TRAPPC8: variants seen among roughly 807,000 people sequenced by gnomAD.
TRAPPC8 encodes trafficking protein particle complex subunit 8, also known as general sporulation gene 1 homolog.
TRAPPC8 carries 54 observed loss-of-function variants against 174.3 expected under a neutral mutation model. The observed-to-expected ratio is 0.31, with a 90% confidence interval of 0.25 to 0.39. The LOEUF is 0.39. Among genes scored for constraint, TRAPPC8 ranks in the 10% least tolerant of loss-of-function variants. The pLI, the probability that TRAPPC8 is intolerant of heterozygous loss-of-function variation, is 1.00. For missense variants in TRAPPC8, 1,531 were observed against 1,699.1 expected (o/e 0.90, Z 1.74); for synonymous variants, 630 against 579.9 (o/e 1.09, Z -1.24).
intron 5 of TRAPPC8, 103 bp from the exon 6 acceptor site, chr18:31,909,863 T>C: frequency 1.4e-6 from 1 of 739,502 alleles, no homozygotes; most frequent in South Asian, 2.5e-5. Flanking sequence ...ACTGTTGGCC[T>C]CATTTATTTG....
rs1346620339 is a variant in TRAPPC8 at position 31,870,383 on chromosome 18, C to A, written c.2377G>T (p.Val793Phe). 6.2e-7 allele frequency: 1 copy of A among 1,607,354 alleles called. No individual in the cohort carries two copies. Among genetic ancestry groups the A allele is most frequent in the Admixed American group, 1.7e-5 (1 of 58,740 alleles). Residue 793 changes from valine to phenylalanine, a missense_variant, in exon 16 of 29, where the codon GTT becomes TTT. By Grantham distance (50) the Val-to-Phe change is conservative. Transcript: ENST00000283351. Reference sequence around the variant, plus strand: ...TTTTAATAACTTACTAGTTGTTTAACTTCTTCATTATCCTTTCCACTGAAA... The same window carrying A: ...TTTTAATAACTTACTAGTTGTTTAAATTCTTCATTATCCTTTCCACTGAAA... Reference protein sequence around the residue: ...KDFSGKDNEEVKQLVTSEPEM... With the variant: ...KDFSGKDNEEFKQLVTSEPEM...
rs753568265 is a variant in TRAPPC8 at position 31,890,846 on chromosome 18, T to C, written c.1617A>G (p.Ala539=). 15 of 1,610,512 alleles carry C rather than the reference T, an allele frequency of 9.3e-6. No individual in the cohort carries two copies. Among genetic ancestry groups the C allele is most frequent in the Non-Finnish European group, 8.5e-7 (1 of 1,178,270 alleles). ...LTSEDSDLRS[A]LLLEQAAHCF... ...AATGTGCTGCCTGTTCCAAAAGAAG[T>C]GCACTTCGAAGATCAGAATCCTAGT... Residue 539 remains alanine (A), a synonymous_variant, in exon 12 of 29, where the codon GCA becomes GCG. Coordinates refer to ENST00000283351, the MANE Select transcript of TRAPPC8 (RefSeq NM_014939.5).
rs1177849338 is a variant in TRAPPC8, at chr18:31,857,564, C to T, written c.3164G>A (p.Ser1055Asn). The change falls in exon 20 of 29, where the codon AGT becomes AAT. Residue 1055 changes from serine to asparagine, a missense_variant. Coordinates refer to ENST00000283351, the MANE Select transcript of TRAPPC8 (RefSeq NM_014939.5). Reference protein sequence around the residue: ...HEINFLFYYESVKKQPKIRHR... With the variant: ...HEINFLFYYENVKKQPKIRHR... ...CCGTATTTTTGGCTGCTTTTTGACA[C>T]TTTCATAGTAAAACAAAAAGTTAAT... 2.5e-6 allele frequency: 4 copies of T among 1,602,502 alleles called. No homozygotes were observed. The Admixed American group carries it at 5.2e-5, about 21-fold the overall frequency.
At chr18:31,899,576 T>C (rs28420519) in intron 10 of TRAPPC8, among the ~76,000 whole-genome samples, 6,248 of 152,272 alleles carry the variant, frequency 0.041, 361 homozygotes, top group African/African-American at 0.12. Context: ...AAATAACTTT[T>C]ATTACGTCAA....
intron 12 of TRAPPC8, among the ~76,000 whole-genome samples, chr18:31,880,111 ATATATATATATT>A (rs1221767536): frequency 4.4e-5 from 4 of 90,382 alleles, no homozygotes; most frequent in Admixed American, 9.8e-5. Flanking sequence ...ATATATATAT[ATATATATATATT>A]TTTTTTTTTT....
At chr18:31,932,612 C>T (rs1568153035) in intron 1 of TRAPPC8, among the ~76,000 whole-genome samples, 1 of 152,136 alleles carries the variant, frequency 6.6e-6, no homozygotes, top group Non-Finnish European at 1.5e-5. Flanking sequence ...AAGACAGTGT[C>T]CACAGTCCAC....
intron 5 of TRAPPC8, among the ~76,000 whole-genome samples, chr18:31,910,180 G>A (rs1004024129): frequency 6.6e-6 from 1 of 152,158 alleles, no homozygotes; most frequent in Non-Finnish European, 1.5e-5. Flanking sequence ...TTGGGTCACA[G>A]TGTAAGCAGG....
intron 2 of TRAPPC8, among the ~76,000 whole-genome samples, chr18:31,929,197 A>G (rs534746769): frequency 6.7e-6 from 1 of 149,602 alleles, no homozygotes; most frequent in East Asian, 2.0e-4. Flanking sequence ...AAGTGAAAAA[A>G]AAAAAAAGAA....
intron 2 of TRAPPC8, among the ~76,000 whole-genome samples, chr18:31,926,906 GATA>G (rs1035585586): frequency 4.3e-4 from 65 of 152,218 alleles, no homozygotes; most frequent in African/African-American, 1.5e-3. Context: ...CCTTATCAAT[GATA>G]ATGAGAAGTC....
intron 14 of TRAPPC8, among the ~76,000 whole-genome samples, chr18:31,872,565 G>A (rs972142864): frequency 2.0e-5 from 3 of 151,888 alleles, no homozygotes; most frequent in African/African-American, 4.8e-5. Flanking sequence ...GACTACAGGC[G>A]CATGCCACCA....
chr18:31,929,741 G>A (rs903570648), intron 2 of TRAPPC8, among the ~76,000 whole-genome samples: 2 of 152,162 alleles, frequency 1.3e-5, no homozygotes, highest in African/African-American at 4.8e-5. Flanking sequence ...AATGACTATG[G>A]TAGTACAAAA....
intron 11 of TRAPPC8, among the ~76,000 whole-genome samples, chr18:31,892,951 C>A (rs1422752298): frequency 6.7e-6 from 1 of 149,366 alleles, no homozygotes; most frequent in African/African-American, 2.5e-5. Context: ...TGGGAGGCTG[C>A]GGCTGCAGTG....
chr18:31,922,628 G>A (rs1280960662), intron 2 of TRAPPC8, among the ~76,000 whole-genome samples: 1 of 151,942 alleles, frequency 6.6e-6, no homozygotes, highest in Admixed American at 6.6e-5. Flanking sequence ...AATTTTCTTG[G>A]ACTTATCTTG....
At position 31,846,756 on chromosome 18, in the gene TRAPPC8, C is replaced by T. The variant is rs201697808; in HGVS notation, c.3797G>A (p.Arg1266His). Residue 1266 changes from arginine to histidine, a missense_variant, in exon 26 of 29, where the codon CGC becomes CAC. Coordinates refer to ENST00000283351, the MANE Select transcript of TRAPPC8 (RefSeq NM_014939.5). The part of the protein sequence containing the change: ...ILEGQHHVIL[R>H]TIGKEAFSYP... ...TGAAAAGGCTTCTTTTCCTATAGTG[C>T]GAAGAATAACATGATGTTGACCTTC... 3.1e-5 allele frequency: 50 copies of T among 1,612,610 alleles called. No homozygotes were observed. Among genetic ancestry groups the T allele is most frequent in the Admixed American group, 1.2e-4 (7 of 59,938 alleles).
At chr18:31,894,514 C>G (rs1365249289) in intron 11 of TRAPPC8, among the ~76,000 whole-genome samples, 1 of 151,810 alleles carries the variant, frequency 6.6e-6, no homozygotes, top group Non-Finnish European at 1.5e-5. Context: ...AGAACTCTGG[C>G]CTATGAAAAT....
intron 12 of TRAPPC8, among the ~76,000 whole-genome samples, chr18:31,880,366 G>C (rs2035388218): frequency 6.6e-6 from 1 of 151,536 alleles, no homozygotes; most frequent in African/African-American, 2.4e-5. Flanking sequence ...ACCAATAAAT[G>C]TTACTCACCA....
chr18:31,852,946 G>A, intron 22 of TRAPPC8: 1 of 338,390 alleles, frequency 3.0e-6, no homozygotes, highest in South Asian at 3.6e-5. Context: ...TCAGAACACA[G>A]GGACTGGAAA....
intron 19 of TRAPPC8, among the ~76,000 whole-genome samples, chr18:31,859,143 C>G (rs1385686805): frequency 6.6e-6 from 1 of 152,018 alleles, no homozygotes; most frequent in African/African-American, 2.4e-5. Context: ...AATGTCACAA[C>G]TAACATCTAA....
chr18:31,829,347 C>T lies in TRAPPC8; in HGVS notation c.*1408G>A, dbSNP rs1379758733. On this transcript the variant is annotated 3_prime_UTR_variant, in exon 29 of 29. Coordinates refer to ENST00000283351, the MANE Select transcript of TRAPPC8 (RefSeq NM_014939.5). ...AGATACCACTGTGATTATGCCTCCT[C>T]ATTCTTGTCTTTCCTCCTCAGACTT... is the stretch of plus-strand genomic sequence containing the variant. The T allele has an allele frequency of 6.6e-6, 1 of 152,176 alleles. No homozygotes were observed. The highest frequency in any genetic ancestry group is 1.5e-5 in the Non-Finnish European group (1 of 68,034). 9.4% of individuals were successfully genotyped at this position (152,176 alleles called of 1,614,324 possible).
Sources: gnomAD v4.1 joint callset for allele counts (sites outside exome capture counted in the v4.1 genomes callset) on GRCh38, gnomAD v4.1.1 for gene constraint, MANE v1.5 for transcripts, NCBI Gene and HGNC (gene_info 2026-07-23, HGNC 2026-07-21) for gene names.